GAB2: variants seen among roughly 807,000 people sequenced by gnomAD.
The protein encoded by GAB2 is GRB2-associated-binding protein 2.
Under a neutral mutation model 65.5 loss-of-function variants are expected in GAB2, and 26 were observed. The observed-to-expected ratio is 0.40, with a 90% CI of 0.29 to 0.55. The LOEUF (loss-of-function observed/expected upper bound fraction) is 0.55. Ranked by LOEUF, GAB2 falls within the 20% of genes least tolerant of loss-of-function variation. The pLI is 0.53. For missense variants in GAB2, 884 were observed against 875.8 expected (o/e 1.01, Z -0.12); for synonymous variants, 321 against 329.6 (o/e 0.97, Z 0.28).
Position 78,280,722 on chromosome 11 carries a change from C to T in GAB2, c.255G>A (p.Val85=). 6.2e-7 allele frequency: 1 copy of T among 1,614,176 alleles called. No homozygotes were observed. The highest frequency in any genetic ancestry group is 8.5e-7 in the Non-Finnish European group (1 of 1,180,016). The stretch of plus-strand genomic sequence containing the variant: ...TGCGTTCACTGGTCTTGATGTCAAA[C>T]ACAAAACTATCCTGCAGCTCCTTCT... ...FNKKELQDSF[V]FDIKTSERTF... is the part of the protein sequence containing the mutation. Residue 85 remains valine, a synonymous_variant, in exon 2 of 10, where the codon GTG becomes GTA. Coordinates refer to ENST00000361507, the MANE Select transcript of GAB2 (RefSeq NM_080491.3).
chr11:78,410,992 T>TAA lies in GAB2; in HGVS notation c.75+6652_75+6653dup, dbSNP rs35722647. On this transcript the variant is annotated intron_variant, in intron 1 of 9. Transcript: ENST00000361507. The stretch of plus-strand genomic sequence containing the variant: ...AGGGAGACCCTGTCTCTACAAATAA[T>TAA]AAAAAAAAAAATTAGCCAGGCACAG... 2.5e-3 allele frequency among the ~76,000 whole-genome samples: 368 copies of TAA among 147,010 alleles called. 6 individuals are homozygous for TAA. The East Asian group carries it at 0.063, about 25-fold the overall frequency.
At chr11:78,355,634 G>A (rs1289939873) in intron 1 of GAB2, among the ~76,000 whole-genome samples, 3 of 127,584 alleles carry the variant, frequency 2.4e-5, no homozygotes, top group Non-Finnish European at 3.1e-5. Flanking sequence ...CTATGATTGC[G>A]CCACCGCTCT....
At chr11:78,414,605 C>T (rs1206089832) in intron 1 of GAB2, among the ~76,000 whole-genome samples, 3 of 152,140 alleles carry the variant, frequency 2.0e-5, no homozygotes, top group African/African-American at 7.2e-5. Flanking sequence ...CACTGAGGCA[C>T]GATGGGAGGG....
intron 2 of GAB2, among the ~76,000 whole-genome samples, chr11:78,277,096 C>T (rs923533779): frequency 6.6e-6 from 1 of 152,172 alleles, no homozygotes; most frequent in Non-Finnish European, 1.5e-5. Context: ...GGATTACAGG[C>T]AGGAGCCATC....
intron 1 of GAB2, among the ~76,000 whole-genome samples, chr11:78,338,696 A>T (rs1856042925): frequency 6.6e-6 from 1 of 152,174 alleles, no homozygotes. Flanking sequence ...GTGTCAAAAA[A>T]ACCAGATATC....
chr11:78,253,077 C>A (rs1865502023), intron 2 of GAB2, among the ~76,000 whole-genome samples: 1 of 132,668 alleles, frequency 7.5e-6, no homozygotes, highest in Non-Finnish European at 1.5e-5. Flanking sequence ...GTGGTACGAT[C>A]TCGGCTCACC....
intron 2 of GAB2, among the ~76,000 whole-genome samples, chr11:78,251,674 G>T (rs1328388920): frequency 6.6e-6 from 1 of 152,104 alleles, no homozygotes; most frequent in African/African-American, 2.4e-5. Context: ...TACTCTACTG[G>T]CAAGCTCATA....
chr11:78,332,685 A>G (rs1855935517), intron 1 of GAB2, among the ~76,000 whole-genome samples: 1 of 152,244 alleles, frequency 6.6e-6, no homozygotes, highest in African/African-American at 2.4e-5. Flanking sequence ...ACTTGAAGGC[A>G]TATGTGAGTA....
intron 2 of GAB2, among the ~76,000 whole-genome samples, chr11:78,268,747 A>C (rs1237910515): frequency 6.6e-6 from 1 of 151,822 alleles, no homozygotes; most frequent in Non-Finnish European, 1.5e-5. Flanking sequence ...AAAAAAAAAA[A>C]AAAAAAGGCA....
In GAB2 at chr11:78,386,499, C is replaced by A. The variant is rs114098768; in HGVS notation, c.75+31147G>T. 9.2e-3 allele frequency among the ~76,000 whole-genome samples: 1,402 copies of A among 152,264 alleles called. 24 individuals carry two copies. Among genetic ancestry groups the A allele is most frequent in the African/African-American group, 0.032 (1,330 of 41,534 alleles). On this transcript the variant is annotated intron_variant, in intron 1 of 9. Transcript: ENST00000361507. The stretch of plus-strand genomic sequence containing the variant: ...GAAAGTACACATAAGTAATGAAGGT[C>A]TTTTTCTGACTTTCATTATGTGCAC...
At chr11:78,406,375 C>A (rs1336810050) in intron 1 of GAB2, among the ~76,000 whole-genome samples, 1 of 145,506 alleles carries the variant, frequency 6.9e-6, no homozygotes, top group Non-Finnish European at 1.5e-5. Context: ...AAAATGTCCA[C>A]GTTTAATTTT....
intron 1 of GAB2, among the ~76,000 whole-genome samples, chr11:78,334,962 T>C (rs760607890): frequency 3.7e-4 from 56 of 152,232 alleles, no homozygotes; most frequent in Non-Finnish European, 6.0e-4. Context: ...ACATATCCCA[T>C]TGTAGTTTTG....
At chr11:78,284,851 A>C (rs577557882) in intron 1 of GAB2, among the ~76,000 whole-genome samples, 1 of 152,278 alleles carries the variant, frequency 6.6e-6, no homozygotes, top group East Asian at 1.9e-4. Flanking sequence ...GGTGTTTAGA[A>C]TATTGCCTGG....
intron 2 of GAB2, among the ~76,000 whole-genome samples, chr11:78,274,282 G>A (rs1014371171): frequency 6.6e-6 from 1 of 152,136 alleles, no homozygotes; most frequent in Non-Finnish European, 1.5e-5. Context: ...AGACACAAAG[G>A]AGGACAGATG....
At chr11:78,313,008 C>G (rs1855532628) in intron 1 of GAB2, among the ~76,000 whole-genome samples, 5 of 152,072 alleles carry the variant, frequency 3.3e-5, no homozygotes, top group Admixed American at 3.3e-4. Context: ...CATGTTAATT[C>G]TTAGAGAATC....
intron 6 of GAB2, among the ~76,000 whole-genome samples, chr11:78,222,396 A>T (rs536842637): frequency 6.6e-6 from 1 of 152,100 alleles, no homozygotes; most frequent in South Asian, 2.1e-4. Context: ...ATTCCAAATT[A>T]TATATTCTTT....
chr11:78,279,863 C>T (rs569502797), intron 2 of GAB2, among the ~76,000 whole-genome samples: 5 of 152,054 alleles, frequency 3.3e-5, no homozygotes, highest in Non-Finnish European at 7.4e-5. Flanking sequence ...TGTGAACATT[C>T]TTGTACAAGT....
At chr11:78,329,349 G>T (rs908040994) in intron 1 of GAB2, among the ~76,000 whole-genome samples, 26 of 152,100 alleles carry the variant, frequency 1.7e-4, no homozygotes, top group Admixed American at 7.2e-4. Context: ...GAGTACAGAT[G>T]GCCCTTTCAT....
At chr11:78,368,426 A>G (rs1450387327) in intron 1 of GAB2, among the ~76,000 whole-genome samples, 1 of 152,252 alleles carries the variant, frequency 6.6e-6, no homozygotes, top group Non-Finnish European at 1.5e-5. Context: ...CCTGGACAAA[A>G]AAATTTCCTA....
Sources: gnomAD v4.1 joint callset for allele counts (sites outside exome capture counted in the v4.1 genomes callset) on GRCh38, gnomAD v4.1.1 for gene constraint, MANE v1.5 for transcripts, NCBI Gene and HGNC (gene_info 2026-07-23, HGNC 2026-07-21) for gene names.